Variants in DYM observed in about 807,000 individuals in gnomAD.
The protein encoded by DYM is dyggve-Melchior-Clausen syndrome protein.
Under a neutral mutation model 93.1 loss-of-function variants are expected in DYM, and 78 were observed. The observed-to-expected ratio is 0.84, with a 90% CI of 0.70 to 1.01. The LOEUF (loss-of-function observed/expected upper bound fraction) is 1.01. DYM is among the 50% of genes least tolerant of loss of function. DYM has a pLI of 0.00. For missense variants in DYM, 789 were observed against 845.0 expected (o/e 0.93, Z 0.82); for synonymous variants, 321 against 319.7 (o/e 1.00, Z -0.04).
intron 14 of DYM, among the ~76,000 whole-genome samples, chr18:49,183,982 C>T (rs772028876): frequency 6.6e-6 from 1 of 152,154 alleles, no homozygotes; most frequent in Non-Finnish European, 1.5e-5. Flanking sequence ...AGGGCCCTCA[C>T]CAGACCCCAC....
At chr18:49,448,915 A>G (rs1026992372) in intron 1 of DYM, among the ~76,000 whole-genome samples, 6 of 152,210 alleles carry the variant, frequency 3.9e-5, no homozygotes, top group African/African-American at 1.4e-4. Flanking sequence ...GCAGGCCCAA[A>G]GAGAATAATT....
intron 17 of DYM, among the ~76,000 whole-genome samples, chr18:49,091,784 T>C (rs2079072267): frequency 6.6e-6 from 1 of 152,166 alleles, no homozygotes. Context: ...TCCCCTAGGC[T>C]GGAGTGCAGT....
At chr18:49,090,742 T>G (rs138759758) in intron 17 of DYM, among the ~76,000 whole-genome samples, 139 of 152,320 alleles carry the variant, frequency 9.1e-4, no homozygotes, top group African/African-American at 3.2e-3. Flanking sequence ...ATGAGATCAC[T>G]GGAAAAATTT....
At chr18:49,155,326 C>T (rs1233119340) in intron 15 of DYM, among the ~76,000 whole-genome samples, 1 of 152,236 alleles carries the variant, frequency 6.6e-6, no homozygotes, top group Admixed American at 6.5e-5. Context: ...ACACACCCAA[C>T]AAATAGCTCT....
At chr18:49,232,695 G>A (rs2093738309) in intron 13 of DYM, among the ~76,000 whole-genome samples, 2 of 141,790 alleles carry the variant, frequency 1.4e-5, no homozygotes, top group East Asian at 2.1e-4. Flanking sequence ...TGCAACCTCT[G>A]CGTCCCGGGT....
At chr18:49,397,805 T>G (rs2070298614) in intron 2 of DYM, among the ~76,000 whole-genome samples, 1 of 152,256 alleles carries the variant, frequency 6.6e-6, no homozygotes, top group Admixed American at 6.5e-5. Flanking sequence ...TAAAAGAATG[T>G]AAAACATTTC....
At chr18:49,087,636 T>C (rs2078665303) in intron 17 of DYM, among the ~76,000 whole-genome samples, 1 of 152,250 alleles carries the variant, frequency 6.6e-6, no homozygotes, top group African/African-American at 2.4e-5. Flanking sequence ...ATATACCCAG[T>C]AATGGGATTG....
At chr18:49,263,280 G>C (rs781013726) in intron 11 of DYM, among the ~76,000 whole-genome samples, 1 of 151,560 alleles carries the variant, frequency 6.6e-6, no homozygotes, top group Non-Finnish European at 1.5e-5. Flanking sequence ...CAGCACACTC[G>C]GCTAATTTTT....
intron 14 of DYM, among the ~76,000 whole-genome samples, chr18:49,194,128 A>C (rs1390301643): frequency 6.6e-6 from 1 of 152,238 alleles, no homozygotes; most frequent in East Asian, 1.9e-4. Context: ...TTAGTAACAA[A>C]GAATATTTCT....
intron 17 of DYM, among the ~76,000 whole-genome samples, chr18:49,078,753 T>C (rs1196427760): frequency 3.3e-5 from 5 of 152,214 alleles, no homozygotes; most frequent in African/African-American, 4.8e-5. Flanking sequence ...GCAAAGAGAA[T>C]GGAAAATATA....
intron 2 of DYM, among the ~76,000 whole-genome samples, chr18:49,401,860 T>C (rs999819388): frequency 1.2e-4 from 18 of 151,844 alleles, no homozygotes; most frequent in Non-Finnish European, 2.2e-4. Flanking sequence ...ACCCCATCTC[T>C]ACTAAAAATA....
At chr18:49,309,103 TA>T (rs914066992) in intron 8 of DYM, among the ~76,000 whole-genome samples, 12 of 152,144 alleles carry the variant, frequency 7.9e-5, no homozygotes, top group Non-Finnish European at 1.6e-4. Context: ...GACAAGAGCA[TA>T]AAAAAATTCA....
intron 16 of DYM, among the ~76,000 whole-genome samples, chr18:49,116,877 C>T (rs1052336636): frequency 6.6e-6 from 1 of 152,164 alleles, no homozygotes; most frequent in Non-Finnish European, 1.5e-5. Flanking sequence ...ATCTTATTAA[C>T]ACTGACACTT....
At chr18:49,082,601 A>T (rs1239427779) in intron 17 of DYM, among the ~76,000 whole-genome samples, 1 of 152,260 alleles carries the variant, frequency 6.6e-6, no homozygotes, top group Admixed American at 6.5e-5. Context: ...ACACATACAT[A>T]TTAATACACA....
At position 49,412,285 on chromosome 18, in the gene DYM, A is replaced by C. The variant is rs539974073; in HGVS notation, c.140+17970T>G. Among the ~76,000 whole-genome samples the C allele has an allele frequency of 5.3e-5, 8 of 152,044 alleles. No individual in the cohort carries two copies. The South Asian group carries it at 1.2e-3, about 24-fold the overall frequency. On this transcript the variant is annotated intron_variant, in intron 2 of 17. Transcript: ENST00000675505. ...AACCAACACAGTGAGAAAGAAGAGG[A>C]ATCAAGGGTGCACCTGCAGTAAAAC...
intron 8 of DYM, among the ~76,000 whole-genome samples, chr18:49,310,698 C>G (rs1047234113): frequency 1.3e-5 from 2 of 152,054 alleles, no homozygotes; most frequent in Non-Finnish European, 2.9e-5. Flanking sequence ...TAAAATGTTC[C>G]TCTATATTAG....
intron 11 of DYM, among the ~76,000 whole-genome samples, 172 bp downstream of exon 11, chr18:49,272,006 G>GAAA (rs33965129): frequency 5.2e-5 from 7 of 134,556 alleles, no homozygotes; most frequent in East Asian, 2.2e-4. Flanking sequence ...AGTCATTCTG[G>GAAA]AAAAAAAAAA....
intron 5 of DYM, 90 bp downstream of exon 5, chr18:49,378,477 G>A: frequency 7.9e-7 from 1 of 1,262,706 alleles, no homozygotes; most frequent in African/African-American, 1.5e-5. Flanking sequence ...AGGATAACTG[G>A]AATTTTCAAA....
At chr18:49,177,616 CTTA>C (rs964419888) in intron 14 of DYM, among the ~76,000 whole-genome samples, 3 of 152,044 alleles carry the variant, frequency 2.0e-5, no homozygotes, top group Non-Finnish European at 2.9e-5. Context: ...ATAAAAAAAT[CTTA>C]TGTCTGTAAA....
Sources: allele counts gnomAD v4.1 joint callset (sites outside exome capture counted in the v4.1 genomes callset), GRCh38; gene constraint gnomAD v4.1.1; transcripts MANE v1.5; gene names NCBI Gene and HGNC (gene_info 2026-07-23, HGNC 2026-07-21).